BNC2: variants seen among roughly 807,000 people sequenced by gnomAD.
The protein encoded by BNC2 is basonuclin zinc finger protein 2.
BNC2 carries 20 observed loss-of-function variants against 76.3 expected under a neutral mutation model. That is an observed-to-expected ratio of 0.26 (90% CI 0.18 to 0.38). BNC2 has a LOEUF of 0.38. Ranked by LOEUF, BNC2 falls within the 10% of genes least tolerant of loss-of-function variation. BNC2 has a pLI of 1.00. For missense variants in BNC2, 1,382 were observed against 1,399.8 expected (o/e 0.99, Z 0.20); for synonymous variants, 582 against 514.8 (o/e 1.13, Z -1.77).
At chr9:16,445,172 C>CA (rs1458008464) in intron 5 of BNC2, among the ~76,000 whole-genome samples, 11 of 152,150 alleles carry the variant, frequency 7.2e-5, no homozygotes, top group African/African-American at 2.7e-4. Flanking sequence ...TTCTGAGAAA[C>CA]ACTTAAAATC....
At chr9:16,653,138 G>C (rs898677344) in intron 3 of BNC2, among the ~76,000 whole-genome samples, 5 of 152,166 alleles carry the variant, frequency 3.3e-5, no homozygotes, top group African/African-American at 1.2e-4. Flanking sequence ...TAAGAGTACA[G>C]TGAATTTTAA....
intron 5 of BNC2, among the ~76,000 whole-genome samples, chr9:16,512,461 A>G (rs1822778603): frequency 6.6e-6 from 1 of 151,216 alleles, no homozygotes; most frequent in African/African-American, 2.5e-5. Flanking sequence ...GCAGTCCTAA[A>G]GACCAATAAA....
chr9:16,659,729 T>C (rs535706327), intron 3 of BNC2, among the ~76,000 whole-genome samples: 1 of 152,302 alleles, frequency 6.6e-6, no homozygotes, highest in South Asian at 2.1e-4. Context: ...TTTTATTCAG[T>C]TCTCTGCTCA....
chr9:16,486,327 G>C lies in BNC2; in HGVS notation c.670-48803C>G, dbSNP rs111466290. ...TGTTAGGACAGTAATTATACTTCTT[G>C]AAATCAGAATAGTAGTATCATTCCT... On this transcript the variant is annotated intron_variant, in intron 5 of 6. Transcript: ENST00000380672. 1.3e-3 allele frequency among the ~76,000 whole-genome samples: 200 copies of C among 152,194 alleles called. 1 individual carries two copies. Among genetic ancestry groups the C allele is most frequent in the Non-Finnish European group, 1.3e-3 (90 of 68,042 alleles).
At chr9:16,780,657 A>T (rs983335003) in intron 1 of BNC2, among the ~76,000 whole-genome samples, 8 of 152,216 alleles carry the variant, frequency 5.3e-5, no homozygotes, top group African/African-American at 1.9e-4. Context: ...GGCTTTTTTA[A>T]CACTTATTGG....
intron 3 of BNC2, among the ~76,000 whole-genome samples, chr9:16,660,801 C>T (rs1369195515): frequency 6.6e-6 from 1 of 151,956 alleles, no homozygotes; most frequent in Non-Finnish European, 1.5e-5. Context: ...AAAATCAATA[C>T]AGTATACCAA....
rs149295656 is a variant in BNC2 at position 16,689,466 on chromosome 9, T to C, written c.330+38331A>G. On this transcript the variant is annotated intron_variant, in intron 3 of 6. Coordinates refer to ENST00000380672, the MANE Select transcript of BNC2 (RefSeq NM_017637.6). ...AACACGCAGGTAGGCATCTGCCTGA[T>C]AGACACTATGAAAGTCACAGCCTAA... Among the ~76,000 whole-genome samples, 73 of 152,276 alleles carry C rather than the reference T, an allele frequency of 4.8e-4. 1 individual carries two copies. The East Asian group carries it at 0.011, about 24-fold the overall frequency.
chr9:16,558,426 T>C (rs993101919), intron 4 of BNC2, among the ~76,000 whole-genome samples: 1 of 152,190 alleles, frequency 6.6e-6, no homozygotes, highest in Non-Finnish European at 1.5e-5. Context: ...ATTGTTTGAT[T>C]GAGAAGATTT....
rs1199196816 is a variant in BNC2, at chr9:16,414,912, T to C, written c.*4077A>G. The C allele has an allele frequency of 2.0e-5, 3 of 146,940 alleles. No individual in the cohort carries two copies. The highest frequency in any genetic ancestry group is 6.6e-5 in the Admixed American group (1 of 15,066). 9.1% of individuals were successfully genotyped at this position (146,940 alleles called of 1,614,324 possible). On this transcript the variant is annotated 3_prime_UTR_variant, in exon 7 of 7. Transcript: ENST00000380672. Reference sequence around the variant, plus strand: ...TCTGGAATAGCCCATTCTTGATATATTCAAAGTTTTTTTTTTTTTTTTTTC... The same window carrying C: ...TCTGGAATAGCCCATTCTTGATATACTCAAAGTTTTTTTTTTTTTTTTTTC...
chr9:16,689,288 G>A (rs1460004302), intron 3 of BNC2, among the ~76,000 whole-genome samples: 3 of 152,092 alleles, frequency 2.0e-5, no homozygotes, highest in Non-Finnish European at 4.4e-5. Context: ...GTGAAAAATG[G>A]GTGGCAGAAA....
Position 16,562,505 on chromosome 9 carries a change from G to T in BNC2, c.434-9740C>A, listed in dbSNP as rs527572212. On this transcript the variant is annotated intron_variant, in intron 4 of 6. Transcript: ENST00000380672. The stretch of plus-strand genomic sequence containing the variant: ...GAAACTATGTTTATCATTTAGTAAG[G>T]TAGTTACAGCCTACATAATCAAATA... Among the ~76,000 whole-genome samples the T allele has an allele frequency of 3.7e-3, 559 of 152,210 alleles. 3 individuals carry two copies. The highest frequency in any genetic ancestry group is 0.012 in the African/African-American group (517 of 41,520).
chr9:16,775,442 T>G (rs534824709), intron 1 of BNC2: 118 of 151,894 alleles, frequency 7.8e-4, no homozygotes, highest in African/African-American at 2.7e-3. Context: ...GTATGTGTGC[T>G]AGAATTAAAA....
At chr9:16,640,614 T>C (rs1408193973) in intron 3 of BNC2, among the ~76,000 whole-genome samples, 1 of 152,220 alleles carries the variant, frequency 6.6e-6, no homozygotes, top group African/African-American at 2.4e-5. Context: ...TAGAACATAT[T>C]CAAGTTTATG....
intron 3 of BNC2, among the ~76,000 whole-genome samples, chr9:16,652,968 A>C (rs1421577399): frequency 6.6e-6 from 1 of 152,100 alleles, no homozygotes. Context: ...CTACTCCCTA[A>C]TGGTTTACGG....
intron 5 of BNC2, among the ~76,000 whole-genome samples, chr9:16,530,265 C>T (rs1045985179): frequency 1.2e-4 from 18 of 152,032 alleles, no homozygotes; most frequent in Admixed American, 1.0e-3. Flanking sequence ...CGAAATTCCT[C>T]TCTTTGCAGA....
At chr9:16,665,187 G>A (rs1822234630) in intron 3 of BNC2, 1 of 406,210 alleles carries the variant, frequency 2.5e-6, no homozygotes, top group South Asian at 1.8e-5. Flanking sequence ...TGAAAAACAA[G>A]GTGAAATCCT....
intron 5 of BNC2, among the ~76,000 whole-genome samples, chr9:16,518,723 C>T (rs931009524): frequency 2.6e-5 from 4 of 152,192 alleles, no homozygotes; most frequent in African/African-American, 7.2e-5. Context: ...GCCTCAGCCT[C>T]CTGAGTAGCT....
intron 5 of BNC2, among the ~76,000 whole-genome samples, chr9:16,469,992 C>CTT (rs201134930): frequency 0.08 from 9,132 of 114,084 alleles, 760 homozygotes; most frequent in African/African-American, 0.18. Context: ...TAATGGCATT[C>CTT]TTTTTTTTTT....
At position 16,728,010 on chromosome 9, in the gene BNC2, G is replaced by C. The variant is rs1380695004; in HGVS notation, c.130-13C>G. The C allele has an allele frequency of 6.2e-7, 1 of 1,612,220 alleles. No homozygotes were observed. Among genetic ancestry groups the C allele is most frequent in the African/African-American group, 1.3e-5 (1 of 74,822 alleles). ...CTGCCTCTTCTGACTGAAAAGTGAA[G>C]GTGGATTTTTTGAGCCTCTTGGCAG... On this transcript the variant is annotated splice_polypyrimidine_tract_variant and intron_variant, in intron 2 of 6. Coordinates refer to ENST00000380672, the MANE Select transcript of BNC2 (RefSeq NM_017637.6).
Sources: gnomAD v4.1 joint callset for allele counts (sites outside exome capture counted in the v4.1 genomes callset) on GRCh38, gnomAD v4.1.1 for gene constraint, MANE v1.5 for transcripts, NCBI Gene and HGNC (gene_info 2026-07-23, HGNC 2026-07-21) for gene names.